The following RBFOX1 variants were observed in gnomAD, a reference collection of about 807,000 sequenced individuals.
RBFOX1 encodes the protein RNA binding fox-1 homolog 1.
In RBFOX1, 8 loss-of-function variants were observed where a neutral mutation model predicts 57.7. The ratio of observed to expected loss-of-function variants is 0.14; its 90% CI spans 0.08 to 0.25. RBFOX1 has a LOEUF of 0.25. Among genes scored for constraint, RBFOX1 ranks in the 10% least tolerant of loss-of-function variants. The pLI, the probability that RBFOX1 is intolerant of heterozygous loss-of-function variation, is 1.00. For missense variants in RBFOX1, 611 were observed against 548.5 expected (o/e 1.11, Z -1.14); for synonymous variants, 326 against 222.4 (o/e 1.47, Z -4.15).
At chr16:5,972,778 CCTAT>C (rs757249775) in intron 4 of RBFOX1, among the ~76,000 whole-genome samples, 1 of 152,190 alleles carries the variant, frequency 6.6e-6, no homozygotes, top group Admixed American at 6.5e-5. Context: ...CAGAGAATCT[CCTAT>C]CTGTTTGCCA....
intron 1 of RBFOX1, among the ~76,000 whole-genome samples, chr16:5,406,568 CTCTT>C (rs943172238): frequency 3.3e-5 from 5 of 151,862 alleles, no homozygotes; most frequent in East Asian, 1.9e-4. Flanking sequence ...GTGTTTCTCT[CTCTT>C]TATTTCTCTC....
intron 2 of RBFOX1, among the ~76,000 whole-genome samples, chr16:6,612,704 T>A (rs190043220): frequency 1.4e-3 from 205 of 151,776 alleles, no homozygotes; most frequent in African/African-American, 4.7e-3. Context: ...ATACAAAAAT[T>A]AGCCGGGTGT....
chr16:6,342,705 G>A (rs1394024601), intron 2 of RBFOX1, among the ~76,000 whole-genome samples: 1 of 152,082 alleles, frequency 6.6e-6, no homozygotes, highest in Non-Finnish European at 1.5e-5. Context: ...AATGCTTTTT[G>A]TGAAATGTGT....
chr16:5,879,919 A>G (rs2057721600), intron 4 of RBFOX1, among the ~76,000 whole-genome samples: 2 of 152,164 alleles, frequency 1.3e-5, no homozygotes, highest in African/African-American at 4.8e-5. Context: ...GATGGCACAC[A>G]TTCCTTCTAC....
chr16:5,639,204 GA>G (rs2048780750), intron 3 of RBFOX1, among the ~76,000 whole-genome samples: 1 of 152,130 alleles, frequency 6.6e-6, no homozygotes, highest in South Asian at 2.1e-4. Context: ...ATACGTTCTA[GA>G]ATTGTGTGCA....
At chr16:7,487,296 A>C (rs1050730063) in intron 4 of RBFOX1, among the ~76,000 whole-genome samples, 4 of 152,006 alleles carry the variant, frequency 2.6e-5, no homozygotes, top group African/African-American at 9.7e-5. Context: ...CTTTATCTCA[A>C]ATAGCGGCCC....
chr16:6,568,673 A>G (rs1267670853), intron 2 of RBFOX1, among the ~76,000 whole-genome samples: 1 of 152,202 alleles, frequency 6.6e-6, no homozygotes, highest in African/African-American at 2.4e-5. Flanking sequence ...TGGATAGAAC[A>G]TGTAACTCTG....
chr16:6,361,859 G>C (rs1201634099), intron 2 of RBFOX1, among the ~76,000 whole-genome samples: 4 of 152,008 alleles, frequency 2.6e-5, no homozygotes, highest in Non-Finnish European at 5.9e-5. Flanking sequence ...AGGAATACAG[G>C]ATCAAAAGAA....
intron 1 of RBFOX1, among the ~76,000 whole-genome samples, chr16:6,129,025 C>T (rs2096610549): frequency 6.6e-6 from 1 of 152,190 alleles, no homozygotes; most frequent in African/African-American, 2.4e-5. Flanking sequence ...TAACCACTTG[C>T]ATGAACAAAA....
chr16:7,055,252 C>T (rs8044492), intron 4 of RBFOX1, among the ~76,000 whole-genome samples: 81,222 of 151,980 alleles, frequency 0.53, 23,836 homozygotes, highest in South Asian at 0.76. Context: ...CTACGCAACA[C>T]TTTTGTTTAT....
At chr16:6,140,177 CTG>C (rs2096704381) in intron 1 of RBFOX1, among the ~76,000 whole-genome samples, 1 of 148,002 alleles carries the variant, frequency 6.8e-6, no homozygotes, top group South Asian at 2.2e-4. Flanking sequence ...TTTTTTTCCA[CTG>C]GAAATGACTT....
chr16:5,296,825 C>T (rs559739272), intron 1 of RBFOX1, among the ~76,000 whole-genome samples: 1 of 151,768 alleles, frequency 6.6e-6, no homozygotes. Context: ...ATTACAGGCA[C>T]GCACCACCAC....
At chr16:6,023,871 T>C (rs1336210112) in intron 1 of RBFOX1, among the ~76,000 whole-genome samples, 1 of 152,202 alleles carries the variant, frequency 6.6e-6, no homozygotes, top group East Asian at 1.9e-4. Context: ...TTATTTAAAA[T>C]ACTGCCTCGA....
intron 2 of RBFOX1, among the ~76,000 whole-genome samples, chr16:6,606,507 T>C (rs978785836): frequency 5.9e-5 from 9 of 152,170 alleles, no homozygotes; most frequent in African/African-American, 1.2e-4. Context: ...TTTATCCTGA[T>C]GCTTTCCCTC....
chr16:5,717,130 G>A (rs1483577665), intron 3 of RBFOX1, among the ~76,000 whole-genome samples: 1 of 152,120 alleles, frequency 6.6e-6, no homozygotes, highest in African/African-American at 2.4e-5. Context: ...GGTAGAAAGA[G>A]CTTAATTTTC....
chr16:5,639,328 A>G (rs1218623650), intron 3 of RBFOX1, among the ~76,000 whole-genome samples: 6 of 152,220 alleles, frequency 3.9e-5, no homozygotes, highest in African/African-American at 1.4e-4. Flanking sequence ...TCTCAGAAGC[A>G]TGGCCCTTGG....
At chr16:5,445,136 A>G (rs905555025) in intron 1 of RBFOX1, among the ~76,000 whole-genome samples, 6 of 152,048 alleles carry the variant, frequency 3.9e-5, no homozygotes, top group Non-Finnish European at 8.8e-5. Flanking sequence ...ATTCCAGGAG[A>G]CCCTTTAGGA....
intron 4 of RBFOX1, among the ~76,000 whole-genome samples, chr16:7,448,741 C>G (rs563881872): frequency 2.0e-5 from 3 of 152,268 alleles, no homozygotes; most frequent in South Asian, 4.1e-4. Context: ...ACTCCAATCT[C>G]TGCCTGCATT....
At chr16:6,690,903 G>A (rs997725837) in intron 3 of RBFOX1, among the ~76,000 whole-genome samples, 1 of 151,888 alleles carries the variant, frequency 6.6e-6, no homozygotes, top group Admixed American at 6.6e-5. Flanking sequence ...GGCAGGTTTG[G>A]GTTTTCATTT....
Sources: gnomAD v4.1 joint callset for allele counts (sites outside exome capture counted in the v4.1 genomes callset) on GRCh38, gnomAD v4.1.1 for gene constraint, MANE v1.5 for transcripts, NCBI Gene and HGNC (gene_info 2026-07-23, HGNC 2026-07-21) for gene names.